UNC5C: variants seen among roughly 807,000 people sequenced by gnomAD.
UNC5C encodes netrin receptor UNC5C.
In UNC5C, 47 loss-of-function variants were observed where a neutral mutation model predicts 99.8. That is an observed-to-expected ratio of 0.47 (90% CI 0.37 to 0.60). The LOEUF (loss-of-function observed/expected upper bound fraction) is 0.60. Among genes scored for constraint, UNC5C ranks in the 20% least tolerant of loss-of-function variants. The pLI, the probability that UNC5C is intolerant of heterozygous loss-of-function variation, is 0.00. For synonymous variants in UNC5C, 487 were observed against 452.2 expected, an observed-to-expected ratio of 1.08 and a Z score of -0.98; for missense variants, 1,062 against 1,165.9, an observed-to-expected ratio of 0.91 and a Z score of 1.30.
At chr4:95,483,274 A>G (rs1395004139) in intron 1 of UNC5C, among the ~76,000 whole-genome samples, 2 of 151,730 alleles carry the variant, frequency 1.3e-5, no homozygotes, top group Non-Finnish European at 2.9e-5. Flanking sequence ...CTGTCAAGTG[A>G]ACTTAAAAGG....
Position 95,169,383 on chromosome 4 carries a change from C to T in UNC5C, c.2647G>A (p.Ala883Thr). The T allele has an allele frequency of 6.2e-7, 1 of 1,614,092 alleles. No individual in the cohort carries two copies. Among genetic ancestry groups the T allele is most frequent in the Non-Finnish European group, 8.5e-7 (1 of 1,179,966 alleles). The part of the protein sequence containing the change: ...LNLDRYLNYF[A>T]TKSSPTGVIL... ...ACGCCAGTTGGGCTGGATTTGGTGG[C>T]AAAGTAATTCAAGTACCTGTAATTG... The change falls in exon 16 of 16, where the codon GCC (alanine) becomes ACC (threonine). Residue 883 changes from alanine to threonine, a missense_variant. Ala to Thr is a moderately conservative substitution (Grantham distance 58, BLOSUM62 0). This residue lies in a region of UNC5C where 810 missense variants were observed against 854.5 expected (regional missense o/e 0.95). Transcript: ENST00000453304.
At chr4:95,264,703 T>C (rs1740376386) in intron 4 of UNC5C, among the ~76,000 whole-genome samples, 3 of 152,182 alleles carry the variant, frequency 2.0e-5, no homozygotes, top group Admixed American at 2.0e-4. Flanking sequence ...CTCTTCCATT[T>C]AGCCATGTCT....
Position 95,242,699 on chromosome 4 carries a change from C to G in UNC5C, c.944-106G>C, listed in dbSNP as rs1739371763. ...ACAAAACAAAACAAGAACAAGCATG[C>G]CCTACTGAGAAGCACTGTATTCATT... On this transcript the variant is annotated intron_variant, in intron 6 of 15. Transcript: ENST00000453304. 5 of 1,262,190 alleles carry G rather than the reference C, an allele frequency of 4.0e-6. No individual in the cohort carries two copies. In the South Asian group the frequency reaches 8.0e-5, roughly 20 times the overall value. The allele number at this position is 1,262,190 out of a possible 1,614,324, so 78.2% of individuals were successfully genotyped here.
intron 1 of UNC5C, among the ~76,000 whole-genome samples, chr4:95,504,517 A>G (rs1222675655): frequency 1.3e-5 from 2 of 152,180 alleles, no homozygotes; most frequent in African/African-American, 2.4e-5. Flanking sequence ...AAAAGCTAGC[A>G]TAAATTATAA....
At chr4:95,301,832 A>T in intron 2 of UNC5C, 83 bp from the exon 3 acceptor site, 1 of 1,507,648 alleles carries the variant, frequency 6.6e-7, no homozygotes, top group Admixed American at 2.0e-5. Context: ...TTTTTCCCCC[A>T]GTCATCCCTT....
chr4:95,448,227 TGAGAGAGAGA>T (rs1208781802), intron 1 of UNC5C, among the ~76,000 whole-genome samples: 33 of 100,144 alleles, frequency 3.3e-4, no homozygotes, highest in South Asian at 7.4e-4. Context: ...TGTGTGTGTG[TGAGAGAGAGA>T]GAGAGAGAGA....
chr4:95,489,240 G>A (rs1721414800), intron 1 of UNC5C, among the ~76,000 whole-genome samples: 1 of 151,598 alleles, frequency 6.6e-6, no homozygotes, highest in Non-Finnish European at 1.5e-5. Context: ...TGTAAGAAAG[G>A]ACATGTTCAA....
chr4:95,433,365 G>GTTGTGGGA (rs1375315996), intron 1 of UNC5C, among the ~76,000 whole-genome samples: 1 of 151,886 alleles, frequency 6.6e-6, no homozygotes, highest in Non-Finnish European at 1.5e-5. Context: ...TTCTTTTTGG[G>GTTGTGGGA]TTTTGGGATT....
chr4:95,455,066 C>T (rs374764702), intron 1 of UNC5C, among the ~76,000 whole-genome samples: 2 of 151,694 alleles, frequency 1.3e-5, no homozygotes, highest in East Asian at 1.9e-4. Context: ...CAGAATGGAA[C>T]AAGAGAGAAA....
intron 1 of UNC5C, among the ~76,000 whole-genome samples, chr4:95,486,856 A>G (rs140654200): frequency 7.2e-5 from 11 of 151,818 alleles, no homozygotes; most frequent in African/African-American, 2.6e-4. Context: ...CCAAAAAACC[A>G]TTTGCTGGAA....
chr4:95,482,796 G>A (rs1319103427), intron 1 of UNC5C, among the ~76,000 whole-genome samples: 1 of 125,650 alleles, frequency 8.0e-6, no homozygotes, highest in African/African-American at 3.3e-5. Flanking sequence ...ACTCATAGAT[G>A]GGAATTGAAC....
At chr4:95,282,708 T>A (rs1464898596) in intron 3 of UNC5C, among the ~76,000 whole-genome samples, 1 of 152,214 alleles carries the variant, frequency 6.6e-6, no homozygotes, top group East Asian at 1.9e-4. Context: ...AGATTCTTCC[T>A]GGCCTCTCTG....
intron 1 of UNC5C, among the ~76,000 whole-genome samples, chr4:95,526,720 G>C (rs1722506035): frequency 6.6e-6 from 1 of 151,480 alleles, no homozygotes; most frequent in South Asian, 2.1e-4. Flanking sequence ...TTGAATATGG[G>C]GCCTAAATGG....
intron 1 of UNC5C, among the ~76,000 whole-genome samples, chr4:95,493,570 A>C (rs1721558772): frequency 6.6e-6 from 1 of 151,380 alleles, no homozygotes; most frequent in African/African-American, 2.4e-5. Context: ...TCTGGGAAAA[A>C]ATGGTACTAC....
intron 1 of UNC5C, among the ~76,000 whole-genome samples, chr4:95,356,321 C>A (rs1744201899): frequency 1.3e-5 from 2 of 150,132 alleles, no homozygotes; most frequent in Non-Finnish European, 3.0e-5. Flanking sequence ...TAGGCTATAA[C>A]TTATAATCAA....
At chr4:95,188,169 T>C (rs968773345) in intron 12 of UNC5C, among the ~76,000 whole-genome samples, 2 of 152,164 alleles carry the variant, frequency 1.3e-5, no homozygotes, top group African/African-American at 2.4e-5. Flanking sequence ...AAACTCCATA[T>C]TGGAGACTGC....
rs577183129 is a variant in UNC5C at position 95,168,391 on chromosome 4, A to C, written c.*843T>G. On this transcript the variant is annotated 3_prime_UTR_variant, in exon 16 of 16. Coordinates refer to ENST00000453304, the MANE Select transcript of UNC5C (RefSeq NM_003728.4). ...AACAGCACTGCTAACAAAAATAGAA[A>C]TTTAAAAAAATCATTTTACCAGAAT... 2.0e-5 allele frequency: 3 copies of C among 152,466 alleles called. No homozygotes were observed. In the South Asian group the frequency reaches 6.2e-4, roughly 32 times the overall value. 9.4% of individuals were successfully genotyped at this position (152,466 alleles called of 1,614,324 possible).
intron 1 of UNC5C, among the ~76,000 whole-genome samples, chr4:95,456,824 T>C (rs1747440502): frequency 1.3e-5 from 2 of 152,138 alleles, no homozygotes; most frequent in African/African-American, 4.8e-5. Context: ...CAGTTCCCTA[T>C]GCAAATATGA....
intron 1 of UNC5C, among the ~76,000 whole-genome samples, chr4:95,498,610 A>G (rs561081980): frequency 6.6e-6 from 1 of 151,948 alleles, no homozygotes; most frequent in African/African-American, 2.4e-5. Flanking sequence ...ACTTTAAGCC[A>G]ATCTCTACAT....
Sources: gnomAD v4.1 joint callset for allele counts (sites outside exome capture counted in the v4.1 genomes callset) on GRCh38, gnomAD v4.1.1 for gene constraint, gnomAD v4.1.1 regional missense constraint, MANE v1.5 for transcripts, NCBI Gene and HGNC (gene_info 2026-07-23, HGNC 2026-07-21) for gene names.